The following RUFY1 variants were observed in gnomAD, a reference collection of about 807,000 sequenced individuals.
RUFY1 encodes RUN and FYVE domain-containing protein 1.
A neutral mutation model predicts 94.6 loss-of-function variants in RUFY1; 54 were observed. That is an observed-to-expected ratio of 0.57 (90% CI 0.46 to 0.72). The LOEUF is 0.72. Ranked by LOEUF, RUFY1 falls within the 30% of genes least tolerant of loss-of-function variation. RUFY1 has a pLI of 0.00. For synonymous variants in RUFY1, 396 were observed against 347.3 expected (o/e 1.14, Z -1.56); for missense variants, 883 against 883.9 (o/e 1.00, Z 0.01).
intron 3 of RUFY1, chr5:179,562,943 C>T: frequency 3.1e-6 from 1 of 325,160 alleles, no homozygotes. Flanking sequence ...CTGGTACACT[C>T]CTGGAATCAC....
chr5:179,606,960 T>C (rs68054433), intron 16 of RUFY1: 11,911 of 153,302 alleles, frequency 0.078, 504 homozygotes, highest in South Asian at 0.11. Flanking sequence ...TGCTTCGCCC[T>C]GAGAAAGCCC....
chr5:179,559,355 C>CA lies in RUFY1; in HGVS notation c.311-664dup, dbSNP rs750245821. On this transcript the variant is annotated intron_variant, in intron 1 of 17. Coordinates refer to ENST00000319449, the MANE Select transcript of RUFY1 (RefSeq NM_025158.5). The stretch of plus-strand genomic sequence containing the variant: ...ATTTGACTCCAACGGTTTTCCTTAC[C>CA]AAAAAACAAAGTGTGCGTAAAACCT... Among the ~76,000 whole-genome samples the CA allele has an allele frequency of 1.1e-4, 17 of 152,254 alleles. No homozygotes were observed. The South Asian group carries it at 3.5e-3, about 32-fold the overall frequency.
At chr5:179,563,167 G>T (rs137893557) in intron 3 of RUFY1, among the ~76,000 whole-genome samples, 2 of 152,234 alleles carry the variant, frequency 1.3e-5, no homozygotes, top group East Asian at 3.9e-4. Flanking sequence ...ATCTAGAAAG[G>T]GTCTTAGGGA....
chr5:179,580,399 C>T (rs1161975516), intron 6 of RUFY1, among the ~76,000 whole-genome samples: 4 of 151,648 alleles, frequency 2.6e-5, no homozygotes, highest in East Asian at 3.9e-4. Flanking sequence ...CCCGCCACCA[C>T]GCCCGGCTAA....
intron 7 of RUFY1, among the ~76,000 whole-genome samples, chr5:179,584,756 T>G (rs1764460568): frequency 6.7e-6 from 1 of 149,328 alleles, no homozygotes; most frequent in Non-Finnish European, 1.5e-5. Flanking sequence ...AGCAAGACCC[T>G]GTTTCAAAAA....
chr5:179,561,678 C>CTTTTTTTTTTTTTT lies in RUFY1; in HGVS notation c.485-857_485-844dup. Among the ~76,000 whole-genome samples the CTTTTTTTTTTTTTT allele has an allele frequency of 1.1e-3, 70 of 64,604 alleles. 1 individual carries two copies. Among genetic ancestry groups the CTTTTTTTTTTTTTT allele is most frequent in the African/African-American group, 1.7e-3 (28 of 16,224 alleles). 42.4% of individuals were successfully genotyped at this position (64,604 alleles called of 152,430 possible). Reference sequence around the variant, plus strand: ...CTATAAGGCAACTGTTTTTTTCTTTCTTTTTTTTTTTTTTTTTTTTTTTTT... The same window carrying CTTTTTTTTTTTTTT: ...CTATAAGGCAACTGTTTTTTTCTTTCTTTTTTTTTTTTTTTTTTTTTTTTTTTTTTTTTTTTTTT... On this transcript the variant is annotated intron_variant, in intron 2 of 17. Transcript: ENST00000319449.
intron 9 of RUFY1, among the ~76,000 whole-genome samples, chr5:179,590,408 A>C (rs1033481517): frequency 6.6e-6 from 1 of 151,996 alleles, no homozygotes; most frequent in Non-Finnish European, 1.5e-5. Flanking sequence ...TCAGTGCTAA[A>C]AACATGTTCA....
intron 5 of RUFY1, among the ~76,000 whole-genome samples, chr5:179,570,707 G>A (rs541152342): frequency 2.7e-4 from 41 of 151,956 alleles, no homozygotes; most frequent in African/African-American, 9.2e-4. Flanking sequence ...TTCCTGCATT[G>A]TGTTTGGTGA....
Position 179,569,500 on chromosome 5 carries a change from C to T in RUFY1, c.828+75C>T, listed in dbSNP as rs550169046. 4.0e-6 allele frequency: 6 copies of T among 1,492,316 alleles called. No individual in the cohort carries two copies. In the East Asian group the frequency reaches 6.8e-5, roughly 17 times the overall value. 92.4% of individuals were successfully genotyped at this position (1,492,316 alleles called of 1,614,324 possible). On this transcript the variant is annotated intron_variant, in intron 5 of 17. Transcript: ENST00000319449. ...TTTACATAGGATCTGCAAACAGGTA[C>T]TGAACCCAAAGAAGGGCAAATGGCA... is the stretch of plus-strand genomic sequence containing the variant.
At chr5:179,598,637 A>C (rs1248881725) in intron 13 of RUFY1, 55 bp from the exon 14 acceptor site, 4 of 1,607,108 alleles carry the variant, frequency 2.5e-6, no homozygotes, top group Non-Finnish European at 3.4e-6. Context: ...TGGGTTGTGA[A>C]TCTTCCGTGA....
At position 179,593,748 on chromosome 5, in the gene RUFY1, C is replaced by T. The variant is rs28378614; in HGVS notation, c.1413+103C>T. On this transcript the variant is annotated intron_variant, in intron 11 of 17. Coordinates refer to ENST00000319449, the MANE Select transcript of RUFY1 (RefSeq NM_025158.5). ...GAGCGAGTAGACACATAGAGCCCCT[C>T]GTATGTGTCAGACCTGCTCCTAGGA... 11,977 of 1,481,918 alleles carry T rather than the reference C, an allele frequency of 8.1e-3. 68 individuals carry two copies. The highest frequency in any genetic ancestry group is 8.5e-3 in the Non-Finnish European group (9,478 of 1,112,392). The allele number at this position is 1,481,918 out of a possible 1,614,324, so 91.8% of individuals were successfully genotyped here. A position where few individuals can be genotyped will look rare whatever the true frequency, so the allele number is the denominator to read the frequency against.
chr5:179,559,786 C>A (rs990443732), intron 1 of RUFY1: 1 of 1,272,366 alleles, frequency 7.9e-7, no homozygotes, highest in Middle Eastern at 3.0e-4. Flanking sequence ...GGAGAGGCCT[C>A]TGGAGCAGGA....
In RUFY1 at chr5:179,594,848, C is replaced by T. The variant is rs1301505009; in HGVS notation, c.1414-18C>T. On this transcript the variant is annotated intron_variant, in intron 11 of 17. Transcript: ENST00000319449. ...ATGTGGGACAGGCAGAGTATGAACC[C>T]TTCCTTTGCTTTTGTAGAATGCAGA... 1 of 1,571,112 alleles carries T rather than the reference C, an allele frequency of 6.4e-7. No homozygotes were observed. The highest frequency in any genetic ancestry group is 2.3e-5 in the East Asian group (1 of 44,306).
intron 7 of RUFY1, among the ~76,000 whole-genome samples, chr5:179,581,371 GA>G (rs1175516125): frequency 4.0e-5 from 6 of 151,590 alleles, no homozygotes; most frequent in African/African-American, 1.5e-4. Context: ...CAGGAAAAAA[GA>G]GTTGAAAACC....
At chr5:179,579,848 T>C (rs904740938) in intron 6 of RUFY1, among the ~76,000 whole-genome samples, 12 of 151,526 alleles carry the variant, frequency 7.9e-5, no homozygotes, top group African/African-American at 2.9e-4. Context: ...TGTGTATTTT[T>C]AGTAGAGACG....
chr5:179,589,537 C>G lies in RUFY1; in HGVS notation c.1027-9C>G. The G allele has an allele frequency of 1.2e-6, 2 of 1,603,870 alleles. No homozygotes were observed. The highest frequency in any genetic ancestry group is 1.1e-5 in the South Asian group (1 of 90,716). On this transcript the variant is annotated splice_polypyrimidine_tract_variant and intron_variant, in intron 8 of 17. Coordinates refer to ENST00000319449, the MANE Select transcript of RUFY1 (RefSeq NM_025158.5). ...GATGTTAAGAACTGTAAAAATTTTC[C>G]TTAATCAGCTTTCAGCTGCAACAGA...
Position 179,595,713 on chromosome 5 carries a change from G to A in RUFY1, c.1511+750G>A, listed in dbSNP as rs1217152413. 5.9e-5 allele frequency among the ~76,000 whole-genome samples: 9 copies of A among 151,946 alleles called. No individual in the cohort carries two copies. In the South Asian group the frequency reaches 1.2e-3, roughly 21 times the overall value. ...ATTACAGGTGCCTGCCACCATGCCC[G>A]GCTAATTTTGTATTTTTGTAGAGAT... is the stretch of plus-strand genomic sequence containing the variant. On this transcript the variant is annotated intron_variant, in intron 12 of 17. Coordinates refer to ENST00000319449, the MANE Select transcript of RUFY1 (RefSeq NM_025158.5).
At chr5:179,608,355 T>G (rs1228756661) in intron 17 of RUFY1, 1 of 985,616 alleles carries the variant, frequency 1.0e-6, no homozygotes, top group Admixed American at 6.1e-5. Context: ...AGGCAGTGCC[T>G]TGCAGTAAGC....
At chr5:179,600,555 TG>T (rs1766251192) in intron 14 of RUFY1, among the ~76,000 whole-genome samples, 1 of 152,238 alleles carries the variant, frequency 6.6e-6, no homozygotes. Context: ...TCTTTGCTGA[TG>T]CAAGGTTCGT....
Sources: gnomAD v4.1 joint callset for allele counts (sites outside exome capture counted in the v4.1 genomes callset) on GRCh38, gnomAD v4.1.1 for gene constraint, MANE v1.5 for transcripts, NCBI Gene and HGNC (gene_info 2026-07-23, HGNC 2026-07-21) for gene names.